The following MACROH2A2 variants were observed in gnomAD, a reference collection of about 807,000 sequenced individuals.
The protein encoded by MACROH2A2 is macroH2A.2 histone.
A neutral mutation model predicts 37.6 loss-of-function variants in MACROH2A2; 6 were observed. The ratio of observed to expected loss-of-function variants is 0.16; its 90% CI spans 0.09 to 0.32. The LOEUF (loss-of-function observed/expected upper bound fraction) is 0.32. Among genes scored for constraint, MACROH2A2 ranks in the 10% least tolerant of loss-of-function variants. The pLI is 1.00. For synonymous variants in MACROH2A2, 192 were observed against 202.7 expected, an observed-to-expected ratio of 0.95 and a Z score of 0.45; for missense variants, 290 against 485.9, an observed-to-expected ratio of 0.60 and a Z score of 3.79.
intron 3 of MACROH2A2, among the ~76,000 whole-genome samples, chr10:70,091,413 C>T (rs1361644674): frequency 2.0e-5 from 3 of 152,188 alleles, no homozygotes; most frequent in Non-Finnish European, 2.9e-5. Context: ...CAGTGGCCCA[C>T]GCCTGTAATC....
At position 70,095,687 on chromosome 10, in the gene MACROH2A2, G is replaced by A. The variant is rs2072272448; in HGVS notation, c.622G>A (p.Gly208Ser). The A allele has an allele frequency of 6.3e-7, 1 of 1,593,426 alleles. No homozygotes were observed. Among genetic ancestry groups the A allele is most frequent in the Middle Eastern group, 1.7e-4 (1 of 6,032 alleles). Residue 208 changes from glycine (G) to serine (S), a missense_variant, in exon 6 of 9, where the codon GGC (glycine) becomes AGC (serine). Transcript: ENST00000373255. Reference sequence around the variant, plus strand: ...AACCCAGAGTGACATCAGCCATATTGGCTCCATGAGAGTGGAGGGCATTGT... The same window carrying A: ...AACCCAGAGTGACATCAGCCATATTAGCTCCATGAGAGTGGAGGGCATTGT... ...SLTQSDISHI[G>S]SMRVEGIVHP...
At chr10:70,059,890 T>TGTGGG (rs1295067574) in intron 1 of MACROH2A2, among the ~76,000 whole-genome samples, 1 of 151,738 alleles carries the variant, frequency 6.6e-6, no homozygotes, top group East Asian at 1.9e-4. Flanking sequence ...GAGAGGATGG[T>TGTGGG]GTGGTGTGGT....
intron 2 of MACROH2A2, among the ~76,000 whole-genome samples, chr10:70,085,218 C>T (rs891032408): frequency 1.3e-5 from 2 of 152,126 alleles, no homozygotes; most frequent in African/African-American, 4.8e-5. Context: ...CGAAGAGAAA[C>T]GCAGGTTTGG....
chr10:70,090,277 CA>C (rs563975283), intron 3 of MACROH2A2, 111 bp downstream of exon 3: 116 of 701,166 alleles, frequency 1.7e-4, no homozygotes, highest in Middle Eastern at 3.2e-4. Context: ...TACATTTATA[CA>C]AAAAAAACTC....
At chr10:70,106,943 T>C (rs769900692) in intron 7 of MACROH2A2, among the ~76,000 whole-genome samples, 1 of 152,080 alleles carries the variant, frequency 6.6e-6, no homozygotes, top group Non-Finnish European at 1.5e-5. Flanking sequence ...AGCAGCCAGG[T>C]GCTCGGGAAG....
intron 1 of MACROH2A2, among the ~76,000 whole-genome samples, chr10:70,063,526 G>T (rs555420625): frequency 6.6e-6 from 1 of 152,170 alleles, no homozygotes; most frequent in Admixed American, 6.5e-5. Flanking sequence ...ACCTGGTGAT[G>T]AATGTGATCT....
rs779657966 is a variant in MACROH2A2, at chr10:70,100,194, G to C, written c.689-14G>C. 25 of 1,473,896 alleles carry C rather than the reference G, an allele frequency of 1.7e-5. No homozygotes were observed. The highest frequency in any genetic ancestry group is 3.4e-5 in the Admixed American group (2 of 59,088). 91.3% of individuals were successfully genotyped at this position (1,473,896 alleles called of 1,614,324 possible). On this transcript the variant is annotated splice_polypyrimidine_tract_variant and intron_variant, in intron 6 of 8. Transcript: ENST00000373255. ...AGAACAACCACAGTGGCTTCCCATT[G>C]CTCTCCTTTGCAGGTAAAGCCTTGG...
At chr10:70,076,543 A>G (rs2072140709) in intron 2 of MACROH2A2, among the ~76,000 whole-genome samples, 1 of 152,168 alleles carries the variant, frequency 6.6e-6, no homozygotes, top group African/African-American at 2.4e-5. Flanking sequence ...AAACTTTACA[A>G]TATCAGGGGT....
intron 2 of MACROH2A2, among the ~76,000 whole-genome samples, chr10:70,088,850 T>G (rs1468290837): frequency 1.3e-5 from 2 of 152,206 alleles, no homozygotes; most frequent in Non-Finnish European, 2.9e-5. Flanking sequence ...AGGCCTGTAA[T>G]CCCAGCACTT....
chr10:70,082,110 T>C (rs1043712708), intron 2 of MACROH2A2, among the ~76,000 whole-genome samples: 18 of 152,328 alleles, frequency 1.2e-4, no homozygotes, highest in African/African-American at 3.8e-4. Flanking sequence ...CCTAGCCATA[T>C]ACCTAAGAGA....
At position 70,109,965 on chromosome 10, in the gene MACROH2A2, T is replaced by C. The variant is rs141346578; in HGVS notation, c.953+758T>C. Among the ~76,000 whole-genome samples the C allele has an allele frequency of 3.3e-3, 499 of 152,260 alleles. 24 individuals are homozygous for C. Among genetic ancestry groups the C allele is most frequent in the Middle Eastern group, 0.014 (4 of 294 alleles). On this transcript the variant is annotated intron_variant, in intron 8 of 8. Coordinates refer to ENST00000373255, the MANE Select transcript of MACROH2A2 (RefSeq NM_018649.3). ...CTCTCACCTTGAGAGCTGTCCTTTA[T>C]AATATAGCTATGGTTTATAGCTGTG... is the stretch of plus-strand genomic sequence containing the variant.
chr10:70,063,980 T>C (rs1209563993), intron 1 of MACROH2A2, among the ~76,000 whole-genome samples: 1 of 152,218 alleles, frequency 6.6e-6, no homozygotes. Context: ...CGGTGAATTA[T>C]CCTTTCTCCC....
intron 1 of MACROH2A2, among the ~76,000 whole-genome samples, chr10:70,071,078 AGTGT>A (rs148158268): frequency 2.8e-4 from 41 of 146,404 alleles, no homozygotes; most frequent in Middle Eastern, 3.4e-3. Flanking sequence ...CATGTGCATG[AGTGT>A]GTGTGTGTGT....
intron 3 of MACROH2A2, 69 bp from the exon 4 acceptor site, chr10:70,091,688 A>AAAG: frequency 1.8e-6 from 2 of 1,128,628 alleles, no homozygotes; most frequent in Non-Finnish European, 2.6e-6. Flanking sequence ...AAAAAAAAAA[A>AAAG]AAAGAACTGT....
intron 1 of MACROH2A2, among the ~76,000 whole-genome samples, chr10:70,054,143 G>T (rs1402252687): frequency 6.6e-6 from 1 of 152,250 alleles, no homozygotes; most frequent in Admixed American, 6.5e-5. Flanking sequence ...CTTCCTCCAG[G>T]AGTTTCCCGT....
At chr10:70,059,872 C>T (rs2072041207) in intron 1 of MACROH2A2, among the ~76,000 whole-genome samples, 1 of 151,946 alleles carries the variant, frequency 6.6e-6, no homozygotes, top group Non-Finnish European at 1.5e-5. Context: ...TGGCTGGTTA[C>T]ACCCACAGAG....
intron 1 of MACROH2A2, among the ~76,000 whole-genome samples, chr10:70,063,113 A>T (rs1052587419): frequency 6.6e-6 from 1 of 152,164 alleles, no homozygotes; most frequent in African/African-American, 2.4e-5. Context: ...AAAAAAAATT[A>T]AAATGTGGAA....
intron 6 of MACROH2A2, chr10:70,099,279 T>G (rs1039380512): frequency 3.3e-5 from 5 of 152,170 alleles, no homozygotes; most frequent in Non-Finnish European, 5.9e-5. Flanking sequence ...AGCTGCACAG[T>G]GTACTGTGGC....
chr10:70,111,278 A>T (rs745786033), intron 8 of MACROH2A2, among the ~76,000 whole-genome samples: 1 of 152,134 alleles, frequency 6.6e-6, no homozygotes, highest in African/African-American at 2.4e-5. Flanking sequence ...CAAAACAAAT[A>T]AATTAATTTA....
Sources: allele counts gnomAD v4.1 joint callset (sites outside exome capture counted in the v4.1 genomes callset), GRCh38; gene constraint gnomAD v4.1.1; transcripts MANE v1.5; gene names NCBI Gene and HGNC (gene_info 2026-07-23, HGNC 2026-07-21).